PIK3C2G: variants seen among roughly 807,000 people sequenced by gnomAD.
The protein encoded by PIK3C2G is phosphatidylinositol-4-phosphate 3-kinase catalytic subunit type 2 gamma, also known as phosphatidylinositol 3-kinase C2 domain-containing subunit gamma.
PIK3C2G carries 168 observed loss-of-function variants against 181.1 expected under a neutral mutation model. That is an observed-to-expected ratio of 0.93 (90% CI 0.82 to 1.05). The LOEUF is 1.05. Ranked by LOEUF, PIK3C2G falls within the 50% of genes least tolerant of loss-of-function variation. The pLI, the probability that PIK3C2G is intolerant of heterozygous loss-of-function variation, is 0.00. For synonymous variants in PIK3C2G, 573 were observed against 592.2 expected (o/e 0.97, Z 0.47); for missense variants, 1,869 against 1,732.8 (o/e 1.08, Z -1.40).
chr12:18,486,877 G>A (rs1940093369), intron 18 of PIK3C2G, among the ~76,000 whole-genome samples: 2 of 152,192 alleles, frequency 1.3e-5, no homozygotes, highest in Non-Finnish European at 2.9e-5. Flanking sequence ...GTGCATGCCT[G>A]CATCTGCAGC....
intron 20 of PIK3C2G, chr12:18,493,869 C>T (rs1005837225): frequency 2.0e-5 from 3 of 152,188 alleles, no homozygotes; most frequent in South Asian, 2.1e-4. Context: ...CAACCTTTGC[C>T]TCCCACCCCT....
intron 9 of PIK3C2G, 116 bp downstream of exon 9, chr12:18,338,664 TGTGTGTGTGTG>T: frequency 4.1e-5 from 1 of 24,666 alleles, no homozygotes; most frequent in Non-Finnish European, 7.5e-5. Context: ...TGTGTGTATC[TGTGTGTGTGTG>T]TGTGTGTGTG....
intron 24 of PIK3C2G, among the ~76,000 whole-genome samples, chr12:18,524,178 G>A (rs1371875986): frequency 6.6e-6 from 1 of 152,176 alleles, no homozygotes; most frequent in African/African-American, 2.4e-5. Context: ...CAGAAAAGTG[G>A]GAAGACTGAA....
At chr12:18,651,410 T>C (rs76842605), downstream of PIK3C2G, among the ~76,000 whole-genome samples, 19,719 of 152,176 alleles carry the variant, frequency 0.13, 1,510 homozygotes, top group African/African-American at 0.21. Flanking sequence ...GCACTTATCA[T>C]CTTTGAATAT....
chr12:18,423,039 T>G (rs986720888), intron 17 of PIK3C2G, among the ~76,000 whole-genome samples: 2 of 151,914 alleles, frequency 1.3e-5, no homozygotes, highest in Non-Finnish European at 2.9e-5. Context: ...TATTGAGGTG[T>G]TTCTTCAAGT....
chr12:18,244,673 G>A (rs912217845), upstream of PIK3C2G, among the ~76,000 whole-genome samples: 14 of 152,128 alleles, frequency 9.2e-5, no homozygotes, highest in Non-Finnish European at 1.6e-4. Flanking sequence ...CTTAGGCACT[G>A]CCGCGATGCT....
At chr12:18,285,646 T>G (rs944572391) in intron 2 of PIK3C2G, among the ~76,000 whole-genome samples, 3 of 151,830 alleles carry the variant, frequency 2.0e-5, no homozygotes, top group Non-Finnish European at 4.4e-5. Flanking sequence ...CTAAGTAAAC[T>G]GAGATATATT....
chr12:18,391,204 A>G lies in PIK3C2G; in HGVS notation c.2078A>G (p.Glu693Gly). Residue 693 changes from glutamate to glycine, a missense_variant, in exon 15 of 33, where the codon GAG becomes GGG. By Grantham distance (98) the Glu-to-Gly change is moderately conservative (BLOSUM62 -2). Coordinates refer to ENST00000538779, the MANE Select transcript of PIK3C2G (RefSeq NM_001288772.2). The stretch of plus-strand genomic sequence containing the variant: ...AGTAATCTTGAAGAGCCACTAAAGG[A>G]GTGTATAAAACATATTGCCAGACTT... ...NRSNLEEPLK[E>G]CIKHIARLSQ... 2 of 1,609,062 alleles carry G rather than the reference A, an allele frequency of 1.2e-6. No homozygotes were observed. Among genetic ancestry groups the G allele is most frequent in the Non-Finnish European group, 1.7e-6 (2 of 1,177,110 alleles).
chr12:18,549,325 C>T (rs1944605979), intron 26 of PIK3C2G, among the ~76,000 whole-genome samples: 1 of 151,918 alleles, frequency 6.6e-6, no homozygotes, highest in African/African-American at 2.4e-5. Context: ...GAAACAAGCC[C>T]TATTTAACAG....
intron 11 of PIK3C2G, among the ~76,000 whole-genome samples, chr12:18,347,388 C>A (rs542594988): frequency 3.3e-5 from 5 of 152,192 alleles, no homozygotes; most frequent in African/African-American, 1.2e-4. Context: ...GTAGTATTTT[C>A]TTCAATAACA....
intron 22 of PIK3C2G, among the ~76,000 whole-genome samples, chr12:18,501,405 A>G (rs1283551890): frequency 6.6e-6 from 1 of 152,164 alleles, no homozygotes; most frequent in African/African-American, 2.4e-5. Context: ...AGCATGGGGG[A>G]AAACTGTCCA....
chr12:18,533,556 C>T (rs1399360714), intron 24 of PIK3C2G, among the ~76,000 whole-genome samples: 1 of 152,110 alleles, frequency 6.6e-6, no homozygotes, highest in Non-Finnish European at 1.5e-5. Flanking sequence ...ATATACCCTT[C>T]CTGCTCCAAA....
chr12:18,624,132 T>C (rs1047555492), intron 31 of PIK3C2G, among the ~76,000 whole-genome samples: 2 of 151,628 alleles, frequency 1.3e-5, no homozygotes, highest in African/African-American at 4.8e-5. Context: ...GGAAAAGCTT[T>C]CATTTTCCCC....
In PIK3C2G at chr12:18,290,933, T is replaced by A; in HGVS notation, c.840T>A (p.Tyr280Ter). 1.3e-6 allele frequency: 2 copies of A among 1,581,178 alleles called. No individual in the cohort carries two copies. The highest frequency in any genetic ancestry group is 2.2e-5 in the South Asian group (2 of 90,338). The change falls in exon 4 of 33, where the codon TAT (tyrosine) becomes TAA (stop). Residue 280 changes from tyrosine (Y) to a stop codon, truncating the protein, a stop_gained. Coordinates refer to ENST00000538779, the MANE Select transcript of PIK3C2G (RefSeq NM_001288772.2). LOFTEE classifies it high-confidence loss of function. ...GGAGCACTACTACAGCATTTCCGTA[T>A]CAGCTCTTTTCTAAGACCAAGTTTA... ...KIWSTTTAFP[Y>*]QLFSKTKFNI...
At chr12:18,658,344 A>G in the PIK3C2G span, among the ~76,000 whole-genome samples, 1 of 152,186 alleles carries the variant, frequency 6.6e-6, no homozygotes, top group Non-Finnish European at 1.5e-5. Context: ...AGGCTCAACA[A>G]ACTCTAAGTA....
chr12:18,307,274 A>G (rs1950458622), intron 5 of PIK3C2G, among the ~76,000 whole-genome samples: 2 of 151,700 alleles, frequency 1.3e-5, no homozygotes, highest in South Asian at 4.1e-4. Context: ...TATACTCATA[A>G]TAGTTCCTAA....
In PIK3C2G at chr12:18,511,824, C is replaced by A. The variant is rs540627153; in HGVS notation, c.3323+6363C>A. On this transcript the variant is annotated intron_variant, in intron 24 of 32. Transcript: ENST00000538779. ...TGAGTAGAAGTGTTTTAGTTTGATG[C>A]CTTCCATTTGTCTATTTTTGCTTTT... Among the ~76,000 whole-genome samples, 6 of 151,944 alleles carry A rather than the reference C, an allele frequency of 3.9e-5. No individual in the cohort carries two copies. In the South Asian group the frequency reaches 1.2e-3, roughly 32 times the overall value.
chr12:18,491,337 G>A (rs1940550012), intron 19 of PIK3C2G, 114 bp from the exon 20 acceptor site: 1 of 610,700 alleles, frequency 1.6e-6, no homozygotes, highest in East Asian at 2.7e-5. Flanking sequence ...AGTCATCCAA[G>A]TGTGTAACCC....
chr12:18,280,304 T>C (rs1197728158), intron 1 of PIK3C2G, among the ~76,000 whole-genome samples: 2 of 152,000 alleles, frequency 1.3e-5, no homozygotes, highest in African/African-American at 4.8e-5. Context: ...AGGGAAATAG[T>C]ACATATGTAA....
Sources: gnomAD v4.1 joint callset for allele counts (sites outside exome capture counted in the v4.1 genomes callset) on GRCh38, gnomAD v4.1.1 for gene constraint, MANE v1.5 for transcripts, NCBI Gene and HGNC (gene_info 2026-07-23, HGNC 2026-07-21) for gene names.